The following CSMD1 variants were observed in gnomAD, a reference collection of about 807,000 sequenced individuals.
CSMD1 encodes CUB and sushi domain-containing protein 1.
Under a neutral mutation model 417.5 loss-of-function variants are expected in CSMD1, and 213 were observed. That is an observed-to-expected ratio of 0.51 (90% CI 0.46 to 0.57). CSMD1 has a LOEUF of 0.57. CSMD1 is among the 20% of genes least tolerant of loss of function. The probability of loss-of-function intolerance (pLI) is 0.00; values close to 1 mark genes in which losing one functional copy is unlikely to be tolerated. For synonymous variants in CSMD1, 2,862 were observed against 1,736.8 expected (o/e 1.65, Z -16.11); for missense variants, 6,923 against 4,529.7 (o/e 1.53, Z -15.17).
At chr8:4,930,869 T>A (rs186117092) in intron 1 of CSMD1, among the ~76,000 whole-genome samples, 21 of 152,362 alleles carry the variant, frequency 1.4e-4, no homozygotes, top group African/African-American at 4.6e-4. Context: ...AATAAAGGGT[T>A]CCCAGAATTA....
At chr8:3,766,829 A>C (rs1798296779) in intron 5 of CSMD1, among the ~76,000 whole-genome samples, 1 of 152,158 alleles carries the variant, frequency 6.6e-6, no homozygotes, top group Non-Finnish European at 1.5e-5. Flanking sequence ...TCATTCCAAG[A>C]GCCTGAAATG....
chr8:3,886,037 A>G lies in CSMD1; in HGVS notation c.818+111866T>C, dbSNP rs75448928. ...TGTACATATATATACATACATATAT[A>G]TATATACAGACACATTTATTATTAT... On this transcript the variant is annotated intron_variant, in intron 5 of 69. Coordinates refer to ENST00000635120, the MANE Select transcript of CSMD1 (RefSeq NM_033225.6). 6.6e-4 allele frequency among the ~76,000 whole-genome samples: 100 copies of G among 152,076 alleles called. No individual in the cohort carries two copies. In the Middle Eastern group the frequency reaches 0.01, roughly 16 times the overall value.
At chr8:4,949,252 A>T (rs947401731) in intron 1 of CSMD1, among the ~76,000 whole-genome samples, 5 of 152,142 alleles carry the variant, frequency 3.3e-5, no homozygotes, top group Admixed American at 6.6e-5. Context: ...CTATCTTCAT[A>T]AATGAGAGTG....
At chr8:4,504,080 A>G (rs1417992767) in intron 2 of CSMD1, among the ~76,000 whole-genome samples, 2 of 152,150 alleles carry the variant, frequency 1.3e-5, no homozygotes, top group African/African-American at 4.8e-5. Flanking sequence ...AAAAAATCCT[A>G]CTATGTCCAC....
At chr8:3,045,552 T>G (rs1349623502) in intron 50 of CSMD1, among the ~76,000 whole-genome samples, 1 of 152,184 alleles carries the variant, frequency 6.6e-6, no homozygotes. Context: ...GCCTTGTCCT[T>G]AAAGCCACTG....
intron 5 of CSMD1, among the ~76,000 whole-genome samples, chr8:3,948,986 G>C (rs2954647): frequency 0.13 from 19,392 of 152,004 alleles, 1,583 homozygotes; most frequent in South Asian, 0.18. Flanking sequence ...GTAAGAAGTT[G>C]TGTATATAAC....
At chr8:3,537,298 C>T (rs1018619208) in intron 10 of CSMD1, among the ~76,000 whole-genome samples, 27 of 152,188 alleles carry the variant, frequency 1.8e-4, no homozygotes, top group African/African-American at 5.8e-4. Context: ...CCATCATGCC[C>T]GGCCCGCAAA....
intron 1 of CSMD1, among the ~76,000 whole-genome samples, chr8:4,926,604 G>C (rs186866069): frequency 6.6e-6 from 1 of 152,100 alleles, no homozygotes; most frequent in Non-Finnish European, 1.5e-5. Context: ...AGAAAATATG[G>C]AATAAAAAGC....
chr8:4,892,518 G>A (rs1804186665), intron 1 of CSMD1, among the ~76,000 whole-genome samples: 1 of 152,016 alleles, frequency 6.6e-6, no homozygotes. Context: ...AGACACCTGG[G>A]CTAATAAGGG....
intron 3 of CSMD1, among the ~76,000 whole-genome samples, chr8:4,086,803 T>G (rs1438831390): frequency 6.6e-6 from 1 of 152,182 alleles, no homozygotes; most frequent in African/African-American, 2.4e-5. Flanking sequence ...GAAACAAATT[T>G]CTTAGTCTGA....
At position 4,718,252 on chromosome 8, in the gene CSMD1, C is replaced by T. The variant is rs117965059; in HGVS notation, c.86-80694G>A. Among the ~76,000 whole-genome samples, 918 of 152,324 alleles carry T rather than the reference C, an allele frequency of 6.0e-3. 4 individuals carry two copies. The highest frequency in any genetic ancestry group is 8.2e-3 in the Non-Finnish European group (561 of 68,028). ...TCAGCCTCCCAAAATGTTGGGATTA[C>T]AGGTGTGAGCCACCATGCTAAACCA... On this transcript the variant is annotated intron_variant, in intron 1 of 69. Transcript: ENST00000635120.
intron 7 of CSMD1, among the ~76,000 whole-genome samples, chr8:3,628,565 C>A (rs1231262024): frequency 2.0e-5 from 3 of 152,154 alleles, no homozygotes; most frequent in Non-Finnish European, 1.5e-5. Context: ...TGCCACTGGG[C>A]CACGGCAGCC....
At chr8:3,070,705 T>G (rs2125951) in intron 49 of CSMD1, among the ~76,000 whole-genome samples, 88,178 of 151,598 alleles carry the variant, frequency 0.58, 25,922 homozygotes, top group Non-Finnish European at 0.6. Flanking sequence ...TCTCTAAGAA[T>G]TTACAAACTT....
intron 26 of CSMD1, among the ~76,000 whole-genome samples, chr8:3,256,690 C>A (rs1486431312): frequency 6.6e-6 from 1 of 152,156 alleles, no homozygotes; most frequent in East Asian, 1.9e-4. Flanking sequence ...CTGCAGCCAC[C>A]CATATGCCTG....
At chr8:4,076,517 C>G (rs1051719151) in intron 3 of CSMD1, among the ~76,000 whole-genome samples, 5 of 151,922 alleles carry the variant, frequency 3.3e-5, no homozygotes, top group African/African-American at 9.7e-5. Context: ...TATATATGAA[C>G]AAATAGAGCC....
intron 3 of CSMD1, among the ~76,000 whole-genome samples, chr8:4,085,356 A>G (rs1035398161): frequency 2.6e-5 from 4 of 152,216 alleles, no homozygotes; most frequent in African/African-American, 9.6e-5. Flanking sequence ...CTCACAACTC[A>G]AAGAAAAGGA....
rs139310055 is a variant in CSMD1 at position 4,110,263 on chromosome 8, G to C, written c.416-78164C>G. Among the ~76,000 whole-genome samples, 712 of 152,226 alleles carry C rather than the reference G, an allele frequency of 4.7e-3. 13 individuals carry two copies. The highest frequency in any genetic ancestry group is 0.016 in the African/African-American group (679 of 41,572). On this transcript the variant is annotated intron_variant, in intron 3 of 69. Transcript: ENST00000635120. ...GACTGAAAGCTTGGCAACGAAACAA[G>C]TCATGATATACTGTGAGAAGCAATT...
At chr8:4,078,222 A>G (rs1419241977) in intron 3 of CSMD1, among the ~76,000 whole-genome samples, 1 of 151,586 alleles carries the variant, frequency 6.6e-6, no homozygotes, top group African/African-American at 2.4e-5. Flanking sequence ...TTTTCTTTTA[A>G]TTTTCTTACA....
chr8:4,395,271 C>G (rs963625087), intron 3 of CSMD1, among the ~76,000 whole-genome samples: 1 of 152,220 alleles, frequency 6.6e-6, no homozygotes, highest in East Asian at 1.9e-4. Flanking sequence ...TACTCCAGAA[C>G]TACCACAAAG....
Sources: allele counts gnomAD v4.1 joint callset (sites outside exome capture counted in the v4.1 genomes callset), GRCh38; gene constraint gnomAD v4.1.1; transcripts MANE v1.5; gene names NCBI Gene and HGNC (gene_info 2026-07-23, HGNC 2026-07-21).